SAMD5: variants seen among roughly 807,000 people sequenced by gnomAD.
The protein encoded by SAMD5 is sterile alpha motif domain-containing protein 5.
Under a neutral mutation model 11.3 loss-of-function variants are expected in SAMD5, and 13 were observed. The observed-to-expected ratio is 1.15, with a 90% CI of 0.75 to 1.83. The LOEUF is 1.83. Among genes scored for constraint, SAMD5 ranks in the 40% most tolerant of loss-of-function variants. The pLI is 0.00. For synonymous variants in SAMD5, 129 were observed against 111.3 expected, an observed-to-expected ratio of 1.16 and a Z score of -1.00; for missense variants, 255 against 239.1, an observed-to-expected ratio of 1.07 and a Z score of -0.44.
chr6:147,905,844 C>T, the SAMD5 span, among the ~76,000 whole-genome samples: 1 of 152,120 alleles, frequency 6.6e-6, no homozygotes, highest in Admixed American at 6.5e-5. Flanking sequence ...GACGCCTATC[C>T]TCTGAGGCTT....
the SAMD5 span, among the ~76,000 whole-genome samples, chr6:147,766,163 A>G: frequency 1.8e-4 from 27 of 152,014 alleles, no homozygotes; most frequent in African/African-American, 6.5e-4. Context: ...CCTTCTAATA[A>G]GTAGGAAAAA....
At chr6:147,807,072 TTC>T in the SAMD5 span, among the ~76,000 whole-genome samples, 71 of 152,152 alleles carry the variant, frequency 4.7e-4, 1 homozygote, top group African/African-American at 1.6e-3. Flanking sequence ...AGAAATAAAT[TTC>T]TGTTGTTTTT....
chr6:147,832,482 C>T, the SAMD5 span, among the ~76,000 whole-genome samples: 6 of 152,244 alleles, frequency 3.9e-5, no homozygotes, highest in South Asian at 8.3e-4. Flanking sequence ...ACTGTCCCTG[C>T]AATCTGTCTA....
chr6:147,741,903 CAT>C (rs983238684), downstream of SAMD5: 3 of 152,160 alleles, frequency 2.0e-5, no homozygotes, highest in African/African-American at 7.2e-5. Flanking sequence ...TATGGAAAAA[CAT>C]ATTTCTTATT....
At chr6:147,898,907 G>T in the SAMD5 span, among the ~76,000 whole-genome samples, 1 of 152,032 alleles carries the variant, frequency 6.6e-6, no homozygotes, top group Admixed American at 6.5e-5. Context: ...TTGGCCGGGC[G>T]TGGTGGCTCA....
chr6:147,844,708 A>T, the SAMD5 span, among the ~76,000 whole-genome samples: 29 of 152,244 alleles, frequency 1.9e-4, no homozygotes, highest in African/African-American at 7.0e-4. Flanking sequence ...TTGTGGCAAC[A>T]TGGATGAGCC....
the SAMD5 span, among the ~76,000 whole-genome samples, chr6:147,762,388 G>A: frequency 3.3e-5 from 5 of 151,788 alleles, no homozygotes; most frequent in East Asian, 3.9e-4. Context: ...TAGTAGAGAC[G>A]GGGTGTCACC....
chr6:147,707,512 A>C (rs1405699675), intron 1 of SAMD5, among the ~76,000 whole-genome samples: 4 of 152,168 alleles, frequency 2.6e-5, no homozygotes, highest in Admixed American at 6.5e-5. Flanking sequence ...TTTCCTTCAG[A>C]CCAGCCTGAT....
chr6:147,626,728 A>G (rs1025724561), intron 1 of SAMD5, among the ~76,000 whole-genome samples: 1 of 139,428 alleles, frequency 7.2e-6, no homozygotes, highest in African/African-American at 2.6e-5. Context: ...CCAAGACGGC[A>G]GGGTCGCTTG....
chr6:147,681,494 C>A (rs2128456339), intron 1 of SAMD5, among the ~76,000 whole-genome samples: 1 of 152,182 alleles, frequency 6.6e-6, no homozygotes, highest in South Asian at 2.1e-4. Flanking sequence ...TCTTTGTCAG[C>A]TAATTCTATA....
At chr6:147,922,289 T>G in the SAMD5 span, among the ~76,000 whole-genome samples, 4 of 152,124 alleles carry the variant, frequency 2.6e-5, no homozygotes, top group African/African-American at 9.7e-5. Context: ...GATCTGACAA[T>G]ATCTGGTACA....
At chr6:147,850,079 TC>T in the SAMD5 span, among the ~76,000 whole-genome samples, 1 of 152,228 alleles carries the variant, frequency 6.6e-6, no homozygotes, top group Admixed American at 6.5e-5. Flanking sequence ...TGACTTGCAT[TC>T]CTTTATTTTT....
At chr6:147,944,108 C>T in the SAMD5 span, among the ~76,000 whole-genome samples, 1 of 152,296 alleles carries the variant, frequency 6.6e-6, no homozygotes, top group African/African-American at 2.4e-5. Flanking sequence ...CAGCTTCCAT[C>T]CAATTTTCCC....
chr6:147,526,659 G>T (rs1351036474), intron 1 of SAMD5, among the ~76,000 whole-genome samples: 1 of 152,154 alleles, frequency 6.6e-6, no homozygotes, highest in African/African-American at 2.4e-5. Context: ...AACTCCACAG[G>T]GATACTGTCC....
chr6:147,855,936 G>T, the SAMD5 span, among the ~76,000 whole-genome samples: 7 of 152,238 alleles, frequency 4.6e-5, no homozygotes, highest in East Asian at 1.3e-3. Flanking sequence ...ATTTATCCAA[G>T]AAAAATTGAA....
chr6:147,677,848 A>G lies in SAMD5; in HGVS notation c.163-59469A>G, dbSNP rs1298980622. ...AAAAGTGAGCAAGCCAGCCCCTTCCATGCTCAGGCACTTTTGAATAATTGA... is the reference window on the plus strand; with the variant it reads ...AAAAGTGAGCAAGCCAGCCCCTTCCGTGCTCAGGCACTTTTGAATAATTGA... On this transcript the variant is annotated intron_variant, in intron 1 of 1. Coordinates refer to the SAMD5 transcript ENST00000566741. Among the ~76,000 whole-genome samples the G allele has an allele frequency of 3.3e-5, 5 of 152,166 alleles. No homozygotes were observed. In the East Asian group the frequency reaches 5.8e-4, roughly 18 times the overall value.
At chr6:147,630,434 G>C (rs1012259189) in intron 1 of SAMD5, among the ~76,000 whole-genome samples, 16 of 152,218 alleles carry the variant, frequency 1.1e-4, no homozygotes, top group African/African-American at 3.6e-4. Context: ...AGCAAGTGAA[G>C]AATCACAAAA....
At chr6:147,836,922 A>T in the SAMD5 span, among the ~76,000 whole-genome samples, 1 of 152,216 alleles carries the variant, frequency 6.6e-6, no homozygotes, top group Non-Finnish European at 1.5e-5. Flanking sequence ...ATAATGATAG[A>T]TATTTTGCTC....
chr6:147,689,269 T>C (rs144608309), intron 1 of SAMD5, among the ~76,000 whole-genome samples: 14 of 152,316 alleles, frequency 9.2e-5, no homozygotes, highest in Non-Finnish European at 1.6e-4. Context: ...TGGAAAGTGT[T>C]GAAAGGTAAA....
Sources: allele counts gnomAD v4.1 joint callset (sites outside exome capture counted in the v4.1 genomes callset), GRCh38; gene constraint gnomAD v4.1.1; transcripts MANE v1.5; gene names NCBI Gene and HGNC (gene_info 2026-07-23, HGNC 2026-07-21).